BBS9: variants seen among roughly 807,000 people sequenced by gnomAD.
The protein encoded by BBS9 is Bardet-Biedl syndrome 9, also known as protein PTHB1.
In BBS9, 89 loss-of-function variants were observed where a neutral mutation model predicts 117.7. The ratio of observed to expected loss-of-function variants is 0.76; its 90% CI spans 0.64 to 0.90. The LOEUF is 0.90. Among genes scored for constraint, BBS9 ranks in the 40% least tolerant of loss-of-function variants. The probability of loss-of-function intolerance (pLI) is 0.00; values close to 1 mark genes in which losing one functional copy is unlikely to be tolerated. For synonymous variants in BBS9, 379 were observed against 370.9 expected (o/e 1.02, Z -0.25); for missense variants, 982 against 1,042.2 (o/e 0.94, Z 0.80).
intron 5 of BBS9, among the ~76,000 whole-genome samples, chr7:33,237,570 T>C (rs912069264): frequency 1.3e-5 from 2 of 151,858 alleles, no homozygotes; most frequent in Non-Finnish European, 2.9e-5. Context: ...TGGTGGAAAA[T>C]AGAGGCAGTT....
At chr7:33,345,832 G>A (rs1486008382) in intron 12 of BBS9, among the ~76,000 whole-genome samples, 1 of 152,188 alleles carries the variant, frequency 6.6e-6, no homozygotes, top group East Asian at 1.9e-4. Context: ...GGAGTGCACT[G>A]TTAATTGCAA....
At chr7:33,584,006 G>A (rs1860460923) in intron 21 of BBS9, among the ~76,000 whole-genome samples, 1 of 151,872 alleles carries the variant, frequency 6.6e-6, no homozygotes, top group Admixed American at 6.6e-5. Flanking sequence ...TATTATCATA[G>A]TTATTCTTTA....
At chr7:33,315,775 A>G (rs1347805842) in intron 9 of BBS9, among the ~76,000 whole-genome samples, 5 of 152,182 alleles carry the variant, frequency 3.3e-5, no homozygotes, top group Non-Finnish European at 7.4e-5. Context: ...ATATGTGTAT[A>G]CATGTATTAA....
chr7:33,516,496 A>AT (rs1397533598), intron 20 of BBS9, among the ~76,000 whole-genome samples: 92 of 150,188 alleles, frequency 6.1e-4, no homozygotes, highest in African/African-American at 2.0e-3. Flanking sequence ...CCAAAAAAAA[A>AT]AAAAAAAAAA....
At chr7:33,631,505 C>T (rs182982193) in intron 21 of BBS9, among the ~76,000 whole-genome samples, 1 of 152,274 alleles carries the variant, frequency 6.6e-6, no homozygotes, top group Non-Finnish European at 1.5e-5. Context: ...AGGCAGCAGG[C>T]ATCATGAAGT....
At chr7:33,188,546 G>T (rs1188655036) in intron 5 of BBS9, among the ~76,000 whole-genome samples, 1 of 152,184 alleles carries the variant, frequency 6.6e-6, no homozygotes, top group Non-Finnish European at 1.5e-5. Context: ...TAAGGGTAGG[G>T]ATAAGAAGAG....
intron 19 of BBS9, among the ~76,000 whole-genome samples, chr7:33,398,699 G>A (rs1364367705): frequency 6.6e-6 from 1 of 152,142 alleles, no homozygotes; most frequent in Non-Finnish European, 1.5e-5. Context: ...AGAGTAAAGT[G>A]AAACAAGTTA....
intron 16 of BBS9, among the ~76,000 whole-genome samples, chr7:33,358,552 A>T (rs1329476628): frequency 2.0e-5 from 3 of 151,846 alleles, no homozygotes; most frequent in Non-Finnish European, 4.4e-5. Context: ...CACAGTGAAC[A>T]TTTGGGGTAA....
intron 20 of BBS9, among the ~76,000 whole-genome samples, chr7:33,518,098 G>C (rs1848066306): frequency 6.6e-6 from 1 of 152,006 alleles, no homozygotes; most frequent in Non-Finnish European, 1.5e-5. Context: ...TTTCTGTCAT[G>C]AATAACTTTT....
chr7:33,448,191 G>A (rs1421354295), intron 19 of BBS9, among the ~76,000 whole-genome samples: 2 of 152,070 alleles, frequency 1.3e-5, no homozygotes, highest in Admixed American at 1.3e-4. Context: ...GGTTTCCTGT[G>A]TGGGAAACCA....
At chr7:33,183,035 C>A (rs568024148) in intron 5 of BBS9, among the ~76,000 whole-genome samples, 7 of 152,146 alleles carry the variant, frequency 4.6e-5, no homozygotes, top group Non-Finnish European at 8.8e-5. Flanking sequence ...AGTGTCCCCC[C>A]ATAACTTCCA....
chr7:33,231,664 G>T (rs1420180419), intron 5 of BBS9, among the ~76,000 whole-genome samples: 1 of 151,934 alleles, frequency 6.6e-6, no homozygotes, highest in Non-Finnish European at 1.5e-5. Context: ...CTATTTTAAA[G>T]AAGTAGGTAA....
intron 5 of BBS9, among the ~76,000 whole-genome samples, chr7:33,183,966 A>T (rs942556964): frequency 6.6e-6 from 1 of 152,192 alleles, no homozygotes; most frequent in Non-Finnish European, 1.5e-5. Flanking sequence ...AGAATATAGT[A>T]AAAAACATTT....
intron 19 of BBS9, among the ~76,000 whole-genome samples, chr7:33,479,124 G>A (rs987976005): frequency 6.6e-6 from 1 of 152,054 alleles, no homozygotes; most frequent in African/African-American, 2.4e-5. Context: ...GGTTCAGGGT[G>A]TACATGTGCA....
At chr7:33,366,543 CTTTTTT>C (rs70989948) in intron 16 of BBS9, among the ~76,000 whole-genome samples, 6 of 89,692 alleles carry the variant, frequency 6.7e-5, no homozygotes, top group Admixed American at 1.4e-4. Context: ...TCTTTTCTTT[CTTTTTT>C]TTTTTTTTTT....
At chr7:33,402,059 G>A (rs1266636014) in intron 19 of BBS9, among the ~76,000 whole-genome samples, 1 of 152,110 alleles carries the variant, frequency 6.6e-6, no homozygotes, top group Non-Finnish European at 1.5e-5. Context: ...TCCAGGCCAT[G>A]GTCCCAAGGA....
intron 21 of BBS9, among the ~76,000 whole-genome samples, chr7:33,565,353 C>T (rs534895545): frequency 1.3e-5 from 2 of 152,032 alleles, no homozygotes; most frequent in African/African-American, 2.4e-5. Flanking sequence ...ACATAAGTTG[C>T]CTATTAGAGT....
At chr7:33,471,863 A>G (rs1841086366) in intron 19 of BBS9, among the ~76,000 whole-genome samples, 1 of 152,164 alleles carries the variant, frequency 6.6e-6, no homozygotes, top group Non-Finnish European at 1.5e-5. Context: ...ACTGAAGTTG[A>G]TTTTATGGGA....
chr7:33,455,099 A>T (rs1838444768), intron 19 of BBS9, among the ~76,000 whole-genome samples: 1 of 152,152 alleles, frequency 6.6e-6, no homozygotes, highest in Non-Finnish European at 1.5e-5. Flanking sequence ...GTATTCAATA[A>T]ATGCTAGCTG....
Sources: gnomAD v4.1 joint callset for allele counts (sites outside exome capture counted in the v4.1 genomes callset) on GRCh38, gnomAD v4.1.1 for gene constraint, MANE v1.5 for transcripts, NCBI Gene and HGNC (gene_info 2026-07-23, HGNC 2026-07-21) for gene names.